Variants in PTPRN2 observed in about 807,000 individuals in gnomAD.
The protein encoded by PTPRN2 is protein tyrosine phosphatase receptor type N2, also known as receptor-type tyrosine-protein phosphatase N2.
Under a neutral mutation model 118.8 loss-of-function variants are expected in PTPRN2, and 74 were observed. The ratio of observed to expected loss-of-function variants is 0.62; its 90% CI spans 0.52 to 0.76. The LOEUF is 0.76. Among genes scored for constraint, PTPRN2 ranks in the 30% least tolerant of loss-of-function variants. The pLI is 0.00. For synonymous variants in PTPRN2, 641 were observed against 608.0 expected (o/e 1.05, Z -0.80); for missense variants, 1,481 against 1,394.4 (o/e 1.06, Z -0.99).
At chr7:157,921,852 G>A (rs1485196887) in intron 11 of PTPRN2, among the ~76,000 whole-genome samples, 2 of 152,202 alleles carry the variant, frequency 1.3e-5, no homozygotes, top group Non-Finnish European at 2.9e-5. Context: ...AACAGCAGGA[G>A]TGAACCCTGA....
At chr7:158,352,667 T>C (rs532787582) in intron 2 of PTPRN2, among the ~76,000 whole-genome samples, 1 of 152,328 alleles carries the variant, frequency 6.6e-6, no homozygotes, top group East Asian at 1.9e-4. Context: ...TAGGCTGGTA[T>C]TGGTAATCCT....
intron 1 of PTPRN2, among the ~76,000 whole-genome samples, chr7:158,560,786 C>T (rs1232109220): frequency 2.0e-5 from 3 of 152,250 alleles, no homozygotes; most frequent in African/African-American, 7.2e-5. Context: ...GCCAAAAACA[C>T]ATGACTAGAA....
intron 4 of PTPRN2, among the ~76,000 whole-genome samples, chr7:158,196,675 G>T (rs1826237204): frequency 6.6e-6 from 1 of 152,152 alleles, no homozygotes; most frequent in East Asian, 1.9e-4. Flanking sequence ...GGCACCCCTG[G>T]GGCCCTGCCC....
intron 1 of PTPRN2, among the ~76,000 whole-genome samples, chr7:158,551,727 CAG>C (rs1826673006): frequency 1.4e-4 from 3 of 20,748 alleles, no homozygotes; most frequent in African/African-American, 2.3e-4. Context: ...TGGGGGGCCC[CAG>C]CTCCTAACCC....
chr7:158,147,479 C>T (rs1473890724), intron 6 of PTPRN2, among the ~76,000 whole-genome samples: 3 of 107,160 alleles, frequency 2.8e-5, no homozygotes, highest in South Asian at 3.4e-4. Flanking sequence ...CGTGTCTTTC[C>T]CCCTCACTGA....
chr7:157,748,423 A>G (rs1433926061), intron 12 of PTPRN2, among the ~76,000 whole-genome samples: 404 of 41,706 alleles, frequency 9.7e-3, no homozygotes, highest in Middle Eastern at 0.015. Context: ...GTTTCTCGGT[A>G]ATTCTGAGGC....
At chr7:158,495,508 C>A (rs1048546367) in intron 1 of PTPRN2, among the ~76,000 whole-genome samples, 13 of 152,068 alleles carry the variant, frequency 8.5e-5, no homozygotes, top group African/African-American at 1.2e-4. Context: ...GAGTGAAGCG[C>A]CTGCCTGCTG....
At chr7:158,134,119 C>G in intron 8 of PTPRN2, 60 bp from the exon 9 acceptor site, 3 of 1,544,102 alleles carry the variant, frequency 1.9e-6, no homozygotes, top group Non-Finnish European at 2.6e-6. Context: ...GTGACACATG[C>G]AATCAAGGGC....
Position 158,177,527 on chromosome 7 carries a change from G to C in PTPRN2, c.550-10236C>G, listed in dbSNP as rs192685981. Among the ~76,000 whole-genome samples, 8 of 152,282 alleles carry C rather than the reference G, an allele frequency of 5.3e-5. No homozygotes were observed. In the East Asian group the frequency reaches 1.4e-3, roughly 26 times the overall value. ...CCCTGAATACATTCCGGTGCCCCTG[G>C]AGACACTGCCCTCTCCCATCCCTGT... On this transcript the variant is annotated intron_variant, in intron 5 of 22. Transcript: ENST00000389418.
chr7:158,524,024 G>T, intron 1 of PTPRN2, among the ~76,000 whole-genome samples: 1 of 56,664 alleles, frequency 1.8e-5, no homozygotes, highest in East Asian at 9.7e-4. Flanking sequence ...GAGTGGAGTC[G>T]TCTGCCCTGG....
chr7:158,066,162 C>T (rs937373387), intron 11 of PTPRN2, among the ~76,000 whole-genome samples: 2 of 152,208 alleles, frequency 1.3e-5, no homozygotes, highest in African/African-American at 2.4e-5. Flanking sequence ...TCTTGAGGCT[C>T]GGAGGCATCA....
intron 6 of PTPRN2, among the ~76,000 whole-genome samples, chr7:158,143,062 T>C (rs1819535624): frequency 6.6e-6 from 1 of 152,050 alleles, no homozygotes; most frequent in East Asian, 1.9e-4. Flanking sequence ...TCTCATTCAC[T>C]GCAGTCTCCT....
At chr7:158,246,319 G>C (rs920317213) in intron 3 of PTPRN2, among the ~76,000 whole-genome samples, 2 of 151,588 alleles carry the variant, frequency 1.3e-5, no homozygotes, top group African/African-American at 4.9e-5. Flanking sequence ...TGGGTCTCCT[G>C]GTGACCAAAG....
At chr7:157,732,227 T>C (rs79007005) in intron 12 of PTPRN2, among the ~76,000 whole-genome samples, 47 of 17,860 alleles carry the variant, frequency 2.6e-3, no homozygotes, top group Non-Finnish European at 3.2e-3. Context: ...CTCTTTCCCG[T>C]CCCACGCGCC....
intron 11 of PTPRN2, among the ~76,000 whole-genome samples, chr7:157,965,023 C>T (rs959651740): frequency 1.3e-5 from 2 of 152,118 alleles, no homozygotes; most frequent in Non-Finnish European, 2.9e-5. Context: ...ACAGGGACAC[C>T]GGCCCCTTCA....
chr7:158,376,403 TC>T (rs1380792249), intron 2 of PTPRN2, among the ~76,000 whole-genome samples: 1 of 126,296 alleles, frequency 7.9e-6, no homozygotes, highest in African/African-American at 3.1e-5. Context: ...GTCAGGGGAC[TC>T]CCCCATGGCC....
At chr7:158,147,950 C>G (rs1820363166) in intron 6 of PTPRN2, among the ~76,000 whole-genome samples, 1 of 117,744 alleles carries the variant, frequency 8.5e-6, no homozygotes, top group African/African-American at 3.7e-5. Context: ...CAATGACACC[C>G]CATCTCACGC....
At chr7:157,604,311 A>G (rs1049186170) in intron 15 of PTPRN2, among the ~76,000 whole-genome samples, 1 of 152,016 alleles carries the variant, frequency 6.6e-6, no homozygotes, top group African/African-American at 2.4e-5. Context: ...CTCTGCTCAC[A>G]CCCTTCTGAA....
chr7:157,708,479 C>T (rs1224770467), intron 12 of PTPRN2, among the ~76,000 whole-genome samples: 1 of 152,074 alleles, frequency 6.6e-6, no homozygotes, highest in East Asian at 1.9e-4. Context: ...GTGAGTGGCT[C>T]TCGGCCATTC....
Sources: gnomAD v4.1 joint callset for allele counts (sites outside exome capture counted in the v4.1 genomes callset) on GRCh38, gnomAD v4.1.1 for gene constraint, MANE v1.5 for transcripts, NCBI Gene and HGNC (gene_info 2026-07-23, HGNC 2026-07-21) for gene names.